Variants in BTNL8 observed in about 807,000 individuals in gnomAD.
BTNL8 encodes the protein butyrophilin like 8.
BTNL8 carries 22 observed loss-of-function variants against 36.1 expected under a neutral mutation model. The ratio of observed to expected loss-of-function variants is 0.61; its 90% confidence interval spans 0.44 to 0.87. The LOEUF is 0.87. Ranked by LOEUF, BTNL8 falls within the 40% of genes least tolerant of loss-of-function variation. The pLI is 0.00. For missense variants in BTNL8, 526 were observed against 616.9 expected, an observed-to-expected ratio of 0.85 and a Z score of 1.56; for synonymous variants, 203 against 235.6, an observed-to-expected ratio of 0.86 and a Z score of 1.27.
intron 3 of BTNL8, among the ~76,000 whole-genome samples, chr5:180,930,244 C>T (rs2892343): frequency 0.19 from 28,444 of 152,000 alleles, 4,496 homozygotes; most frequent in African/African-American, 0.44. Flanking sequence ...AAAAGGCCTT[C>T]GATAAAATTA....
chr5:180,945,689 G>T, intron 3 of BTNL8: 1 of 325,372 alleles, frequency 3.1e-6, no homozygotes, highest in South Asian at 2.4e-5. Context: ...CATTTAAGTG[G>T]ACAACAGGGA....
At chr5:180,902,757 G>A (rs1756890619) in intron 1 of BTNL8, among the ~76,000 whole-genome samples, 3 of 141,682 alleles carry the variant, frequency 2.1e-5, no homozygotes, top group African/African-American at 8.1e-5. Context: ...TCCCACCTAT[G>A]AGTGAGAATA....
At position 180,948,992 on chromosome 5, in the gene BTNL8, G is replaced by A. The variant is rs756470217; in HGVS notation, c.835+46G>A. The A allele has an allele frequency of 7.0e-5, 43 of 611,060 alleles. 7 individuals carry two copies. The Admixed American group carries it at 1.4e-3, about 20-fold the overall frequency. The allele number at this position is 611,060 out of a possible 1,614,324, so 37.9% of individuals were successfully genotyped here. The stretch of plus-strand genomic sequence containing the variant: ...TCACACATTTATGACTCCTTTCCAA[G>A]TCTCTCGTTTATGGATTTTTATATC... On this transcript the variant is annotated intron_variant, in intron 6 of 7. Coordinates refer to ENST00000340184, the MANE Select transcript of BTNL8 (RefSeq NM_001040462.3).
chr5:180,931,766 TTGTG>T, intron 3 of BTNL8, among the ~76,000 whole-genome samples: 1 of 152,322 alleles, frequency 6.6e-6, no homozygotes, highest in East Asian at 1.9e-4. Flanking sequence ...AGATACCATC[TTGTG>T]CCAGTTAGAA....
intron 3 of BTNL8, among the ~76,000 whole-genome samples, chr5:180,920,641 A>T (rs1757822204): frequency 6.6e-6 from 1 of 152,136 alleles, no homozygotes; most frequent in South Asian, 2.1e-4. Flanking sequence ...GAGATAATCA[A>T]CAAAATAAAA....
In BTNL8 at chr5:180,908,874, G is replaced by T. The variant is rs529094290; in HGVS notation, c.338G>T (p.Gly113Val). 2 of 1,614,142 alleles carry T rather than the reference G, an allele frequency of 1.2e-6. No homozygotes were observed. Among genetic ancestry groups the T allele is most frequent in the South Asian group, 2.2e-5 (2 of 91,080 alleles). Residue 113 changes from glycine to valine, a missense_variant, in exon 2 of 8, where the codon GGG becomes GTG. Physicochemically the swap from Gly to Val is moderately radical, Grantham distance 109. Coordinates refer to ENST00000340184, the MANE Select transcript of BTNL8 (RefSeq NM_001040462.3). ...ACTGTGTTGGATGCTGGCCTCTATG[G>T]GTGCAGGATTAGTTCCCAGTCTTAC... ...NITVLDAGLY[G>V]CRISSQSYYQ... is the part of the protein sequence containing the mutation.
At chr5:180,911,009 G>A (rs575484160) in intron 2 of BTNL8, among the ~76,000 whole-genome samples, 3 of 152,232 alleles carry the variant, frequency 2.0e-5, no homozygotes, top group Admixed American at 6.5e-5. Context: ...ACTTTAATTC[G>A]GGTCATCGTT....
intron 4 of BTNL8, 21 bp downstream of exon 4, chr5:180,947,646 T>C (rs762849904): frequency 6.2e-7 from 1 of 1,614,214 alleles, no homozygotes; most frequent in Non-Finnish European, 8.5e-7. Flanking sequence ...GAGAGAAGCA[T>C]GGGCCGGTGC....
At chr5:180,914,403 C>T (rs549366263) in intron 3 of BTNL8, among the ~76,000 whole-genome samples, 2 of 152,142 alleles carry the variant, frequency 1.3e-5, no homozygotes, top group East Asian at 3.8e-4. Flanking sequence ...AAATACATTT[C>T]TATTGTTTAC....
chr5:180,926,749 C>G (rs1758121118), intron 3 of BTNL8, among the ~76,000 whole-genome samples: 1 of 152,192 alleles, frequency 6.6e-6, no homozygotes, highest in Non-Finnish European at 1.5e-5. Context: ...GGCAAAGCCT[C>G]TGTAGCCAGA....
intron 3 of BTNL8, among the ~76,000 whole-genome samples, chr5:180,932,641 G>T (rs985429158): frequency 3.3e-5 from 5 of 152,086 alleles, no homozygotes; most frequent in African/African-American, 1.2e-4. Flanking sequence ...GAGCCACTGC[G>T]CCTGGCCAAT....
chr5:180,949,314 T>G lies in BTNL8; in HGVS notation c.862+49T>G. Reference sequence around the variant, plus strand: ...AGTGGGACAGAATCTCAGGTGGACATGAGAGGGGGAACTGAACAGGGACAG... The same window carrying G: ...AGTGGGACAGAATCTCAGGTGGACAGGAGAGGGGGAACTGAACAGGGACAG... On this transcript the variant is annotated intron_variant, in intron 7 of 7. Coordinates refer to ENST00000340184, the MANE Select transcript of BTNL8 (RefSeq NM_001040462.3). 3 of 1,459,524 alleles carry G rather than the reference T, an allele frequency of 2.1e-6. 1 individual carries two copies. Among genetic ancestry groups the G allele is most frequent in the Non-Finnish European group, 2.8e-6 (3 of 1,057,114 alleles). The allele number at this position is 1,459,524 out of a possible 1,614,324, so 90.4% of individuals were successfully genotyped here.
At chr5:180,917,825 G>A (rs1034445458) in intron 3 of BTNL8, among the ~76,000 whole-genome samples, 10 of 151,928 alleles carry the variant, frequency 6.6e-5, no homozygotes, top group African/African-American at 2.2e-4. Context: ...TCAGGAGATC[G>A]AGACCATCCT....
intron 3 of BTNL8, among the ~76,000 whole-genome samples, chr5:180,917,035 G>GA (rs1264737949): frequency 6.8e-6 from 1 of 148,046 alleles, no homozygotes; most frequent in Non-Finnish European, 1.5e-5. Context: ...ACGGCACTAT[G>GA]AAAAATCATA....
chr5:180,945,919 T>G (rs1416870962), intron 3 of BTNL8: 2 of 273,656 alleles, frequency 7.3e-6, no homozygotes, highest in Non-Finnish European at 1.6e-5. Context: ...TGCTCTTCCT[T>G]GAATGGATTA....
rs766951498 is a variant in BTNL8 at position 180,948,356 on chromosome 5, G to A, written c.789G>A (p.Trp263Ter). 6.8e-7 allele frequency: 1 copy of A among 1,466,568 alleles called. No individual in the cohort carries two copies. Among genetic ancestry groups the A allele is most frequent in the Non-Finnish European group, 9.4e-7 (1 of 1,060,472 alleles). The allele number at this position is 1,466,568 out of a possible 1,614,324, so 90.8% of individuals were successfully genotyped here. A position where few individuals can be genotyped will look rare whatever the true frequency, so the allele number is the denominator to read the frequency against. Reference sequence around the variant, plus strand: ...CTGAATATACTGTTTCTGTTTCAGGGAAAATCCAGGCGGAACTGGGTAAGT... The same window carrying A: ...CTGAATATACTGTTTCTGTTTCAGGAAAAATCCAGGCGGAACTGGGTAAGT... ...GLKIFFSKFQ[W>*]KIQAELDWRR... Residue 263 changes from tryptophan to a stop codon, truncating the protein, a stop_gained and splice_region_variant, in exon 5 of 8, where the codon TGG becomes TGA. Coordinates refer to ENST00000340184, the MANE Select transcript of BTNL8 (RefSeq NM_001040462.3). LOFTEE classifies it high-confidence loss of function.
Position 180,935,744 on chromosome 5 carries a change from C to T in BTNL8, c.674-11768C>T, listed in dbSNP as rs1758623178. ...CCCCATTCCCAGCCCCCTCCCAGCCCCACCTGGCTCCATGGAGCACATGGC... is the reference window on the plus strand; with the variant it reads ...CCCCATTCCCAGCCCCCTCCCAGCCTCACCTGGCTCCATGGAGCACATGGC... On this transcript the variant is annotated intron_variant, in intron 3 of 7. Transcript: ENST00000340184. This position sits in a 1 kb window ranked among gnomAD's most constrained non-coding sequence, Gnocchi z 4.8. Among the ~76,000 whole-genome samples, 1 of 152,088 alleles carries T rather than the reference C, an allele frequency of 6.6e-6. No homozygotes were observed. The highest frequency in any genetic ancestry group is 6.5e-5 in the Admixed American group (1 of 15,276).
chr5:180,946,471 G>A (rs1167725259), intron 3 of BTNL8, among the ~76,000 whole-genome samples: 1 of 152,162 alleles, frequency 6.6e-6, no homozygotes, highest in Non-Finnish European at 1.5e-5. Context: ...CAACTCCGAG[G>A]ATAAACCTGA....
intron 3 of BTNL8, among the ~76,000 whole-genome samples, chr5:180,937,012 A>G (rs1582053178): frequency 6.6e-6 from 1 of 152,224 alleles, no homozygotes; most frequent in South Asian, 2.1e-4. Context: ...CGCACTCAGC[A>G]CCTGCTGCCA....
Sources: allele counts gnomAD v4.1 joint callset (sites outside exome capture counted in the v4.1 genomes callset), GRCh38; gene constraint gnomAD v4.1.1; non-coding constraint Gnocchi (gnomAD v3.1); transcripts MANE v1.5; gene names NCBI Gene and HGNC (gene_info 2026-07-23, HGNC 2026-07-21).